LIPG: variants seen among roughly 807,000 people sequenced by gnomAD.
LIPG encodes lipase G, endothelial type.
A neutral mutation model predicts 51.8 loss-of-function variants in LIPG; 34 were observed. That is an observed-to-expected ratio of 0.66 (90% CI 0.50 to 0.87). LIPG has a LOEUF of 0.87. Ranked by LOEUF, LIPG falls within the 40% of genes least tolerant of loss-of-function variation. The pLI is 0.00. For missense variants in LIPG, 580 were observed against 652.7 expected (o/e 0.89, Z 1.21); for synonymous variants, 246 against 246.1 (o/e 1.00, Z 0.00).
At chr18:49,584,544 C>A (rs1225003960) in intron 8 of LIPG, among the ~76,000 whole-genome samples, 2 of 152,230 alleles carry the variant, frequency 1.3e-5, no homozygotes, top group Non-Finnish European at 2.9e-5. Flanking sequence ...CCAGCCTTGG[C>A]ATGGGAGGAG....
intron 1 of LIPG, among the ~76,000 whole-genome samples, chr18:49,563,416 T>C (rs1170128048): frequency 6.6e-6 from 1 of 152,090 alleles, no homozygotes; most frequent in African/African-American, 2.4e-5. Context: ...TGTGAGTCAT[T>C]TCCTTCATTG....
chr18:49,567,560 A>T lies in LIPG; in HGVS notation c.398A>T (p.Asp133Val). 6.2e-7 allele frequency: 1 copy of T among 1,614,138 alleles called. No individual in the cohort carries two copies. The highest frequency in any genetic ancestry group is 8.5e-7 in the Non-Finnish European group (1 of 1,180,034). The change falls in exon 3 of 10, where the codon GAT (aspartate) becomes GTT (valine). Residue 133 changes from aspartate (D) to valine (V), a missense_variant. Asp to Val is a radical substitution (Grantham distance 152, BLOSUM62 -3). Transcript: ENST00000261292. ...WLPLAHQLYT[D>V]AVNNTRVVGH... ...CCCCTGGCCCACCAGCTTTACACGG[A>T]TGCGGTCAATAATACCAGGGTGGTG...
rs922299691 is a variant in LIPG at position 49,583,707 on chromosome 18, C to A, written c.1309C>A (p.Pro437Thr). 1 of 1,614,182 alleles carries A rather than the reference C, an allele frequency of 6.2e-7. No individual in the cohort carries two copies. Residue 437 changes from proline (P) to threonine (T), a missense_variant, in exon 8 of 10, where the codon CCC becomes ACC. Pro to Thr is a conservative substitution (Grantham distance 38, BLOSUM62 -1). Coordinates refer to ENST00000261292, the MANE Select transcript of LIPG (RefSeq NM_006033.4). ...WKEFRSYLSQ[P>T]RNPGRELNIR... The stretch of plus-strand genomic sequence containing the variant: ...GGAGTTTCGCAGCTACCTGTCTCAA[C>A]CCCGCAACCCCGGACGGGAGCTGAA...
Position 49,581,550 on chromosome 18 carries a change from G to A in LIPG, c.929G>A (p.Ser310Asn). 1 of 1,614,182 alleles carries A rather than the reference G, an allele frequency of 6.2e-7. No individual in the cohort carries two copies. The highest frequency in any genetic ancestry group is 8.5e-7 in the Non-Finnish European group (1 of 1,180,044). The change falls in exon 6 of 10, where the codon AGC (serine) becomes AAC (asparagine). Residue 310 changes from serine to asparagine, a missense_variant. Ser to Asn is a conservative substitution (Grantham distance 46, BLOSUM62 1). Coordinates refer to ENST00000261292, the MANE Select transcript of LIPG (RefSeq NM_006033.4). Reference protein sequence around the residue: ...SNRFKKGICLSCRKNRCNSIG... With the variant: ...SNRFKKGICLNCRKNRCNSIG... The stretch of plus-strand genomic sequence containing the variant: ...CGCTTCAAAAAGGGGATCTGTCTGA[G>A]CTGCCGCAAGAACCGTTGTAATAGC...
chr18:49,576,457 C>CTTTTTTTTT (rs34597464), intron 5 of LIPG, among the ~76,000 whole-genome samples: 590 of 51,494 alleles, frequency 0.011, 199 homozygotes, highest in Non-Finnish European at 0.013. Context: ...CAGAATCTTG[C>CTTTTTTTTT]TTTTTTTTTT....
chr18:49,579,764 C>CTTTCCTTTCCTTTCTTTTCTTTTCT lies in LIPG; in HGVS notation c.794-1647_794-1646insCTTTCCTTTCTTTTCTTTTCTTTTC, dbSNP rs1194564576. On this transcript the variant is annotated intron_variant, in intron 5 of 9. Coordinates refer to ENST00000261292, the MANE Select transcript of LIPG (RefSeq NM_006033.4). Reference sequence around the variant, plus strand: ...CCTTTCTTTCCTTTCCTTTCCTTTCCTTTCTTTTCTTTTCTTTTCTTTTCT... The same window carrying CTTTCCTTTCCTTTCTTTTCTTTTCT: ...CCTTTCTTTCCTTTCCTTTCCTTTCCTTTCCTTTCCTTTCTTTTCTTTTCTTTTCTTTTCTTTTCTTTTCTTTTCT... Among the ~76,000 whole-genome samples, 480 of 112,154 alleles carry CTTTCCTTTCCTTTCTTTTCTTTTCT rather than the reference C, an allele frequency of 4.3e-3. 6 individuals are homozygous for CTTTCCTTTCCTTTCTTTTCTTTTCT. Among genetic ancestry groups the CTTTCCTTTCCTTTCTTTTCTTTTCT allele is most frequent in the Middle Eastern group, 0.012 (3 of 242 alleles). The allele number at this position is 112,154 out of a possible 152,430, so 73.6% of individuals were successfully genotyped here. A position where few individuals can be genotyped will look rare whatever the true frequency, so the allele number is the denominator to read the frequency against.
chr18:49,590,262 G>T, intron 9 of LIPG: 2 of 596,866 alleles, frequency 3.4e-6, no homozygotes, highest in Admixed American at 2.3e-5. Context: ...CTCAACTCAG[G>T]GTCCAGAGGG....
At chr18:49,561,756 T>TCCC (rs1298814704), upstream of LIPG, 30 of 1,243,894 alleles carry the variant, frequency 2.4e-5, no homozygotes, top group East Asian at 8.9e-4. Context: ...CCTCCGCCAC[T>TCCC]TGGGATGGCA....
intron 5 of LIPG, among the ~76,000 whole-genome samples, chr18:49,580,204 G>A (rs1386499144): frequency 6.6e-6 from 1 of 152,064 alleles, no homozygotes; most frequent in Non-Finnish European, 1.5e-5. Context: ...AAATTATTTG[G>A]GCCAGAAAAT....
At chr18:49,563,212 G>A (rs952186685) in intron 1 of LIPG, among the ~76,000 whole-genome samples, 6 of 152,166 alleles carry the variant, frequency 3.9e-5, no homozygotes, top group African/African-American at 1.4e-4. Flanking sequence ...CTGAGGTTGT[G>A]CCAAATGGTC....
At chr18:49,584,585 G>T (rs1184856546) in intron 8 of LIPG, among the ~76,000 whole-genome samples, 1 of 152,114 alleles carries the variant, frequency 6.6e-6, no homozygotes, top group Non-Finnish European at 1.5e-5. Flanking sequence ...CCCTCCTCTG[G>T]CATTTTCTCC....
At position 49,567,107 on chromosome 18, in the gene LIPG, T is replaced by C. The variant is rs576848146; in HGVS notation, c.280-335T>C. 4.6e-5 allele frequency among the ~76,000 whole-genome samples: 7 copies of C among 152,206 alleles called. No homozygotes were observed. The East Asian group carries it at 1.4e-3, about 29-fold the overall frequency. On this transcript the variant is annotated intron_variant, in intron 2 of 9. Coordinates refer to ENST00000261292, the MANE Select transcript of LIPG (RefSeq NM_006033.4). ...ATCCCAGCACTCTGGAAGGCCTAGG[T>C]GGGAAGATCGCTTGAGCCCAGGAGT...
chr18:49,589,949 GT>G (rs2084922974), intron 9 of LIPG: 1 of 178,248 alleles, frequency 5.6e-6, no homozygotes, highest in Non-Finnish European at 1.2e-5. Flanking sequence ...TATGTAACAT[GT>G]TTAGCATCCT....
rs1056841885 is a variant in LIPG, at chr18:49,591,055, C to A, written c.*533C>A. On this transcript the variant is annotated 3_prime_UTR_variant, in exon 10 of 10. Transcript: ENST00000261292. ...CTGACCATACTGCTTACGTCTTAGC[C>A]ATTCCGTCCTGCTCCCCAGCTCACT... The A allele has an allele frequency of 5.3e-6, 1 of 187,744 alleles. No homozygotes were observed. The highest frequency in any genetic ancestry group is 1.1e-5 in the Non-Finnish European group (1 of 88,506). 11.6% of individuals were successfully genotyped at this position (187,744 alleles called of 1,614,324 possible). A position where few individuals can be genotyped will look rare whatever the true frequency, so the allele number is the denominator to read the frequency against.
rs41444545 is a variant in LIPG, at chr18:49,581,284, A to G, written c.794-131A>G. The G allele has an allele frequency of 4.1e-3, 5,595 of 1,370,864 alleles. 191 individuals carry two copies. The African/African-American group carries it at 0.07, about 17-fold the overall frequency. The allele number at this position is 1,370,864 out of a possible 1,614,324, so 84.9% of individuals were successfully genotyped here. A position where few individuals can be genotyped will look rare whatever the true frequency, so the allele number is the denominator to read the frequency against. On this transcript the variant is annotated intron_variant, in intron 5 of 9. Transcript: ENST00000261292. Reference sequence around the variant, plus strand: ...TGTCTCAACACAAATAAACAAGCAAAAGAATTACATGAAAATACTAACAGC... The same window carrying G: ...TGTCTCAACACAAATAAACAAGCAAGAGAATTACATGAAAATACTAACAGC...
chr18:49,590,634 G>C lies in LIPG; in HGVS notation c.*112G>C. 1 of 1,152,738 alleles carries C rather than the reference G, an allele frequency of 8.7e-7. No homozygotes were observed. The highest frequency in any genetic ancestry group is 1.3e-6 in the Non-Finnish European group (1 of 786,682). The allele number at this position is 1,152,738 out of a possible 1,614,324, so 71.4% of individuals were successfully genotyped here. A position where few individuals can be genotyped will look rare whatever the true frequency, so the allele number is the denominator to read the frequency against. ...CAATGGAAGGATTCTTCTCAGCCTT[G>C]ACCCTGGAGCACTGGGAACAACTGG... On this transcript the variant is annotated 3_prime_UTR_variant, in exon 10 of 10. Transcript: ENST00000261292.
At chr18:49,578,013 G>C (rs2084745799) in intron 5 of LIPG, among the ~76,000 whole-genome samples, 1 of 142,198 alleles carries the variant, frequency 7.0e-6, no homozygotes, top group African/African-American at 2.6e-5. Context: ...GGCTGGCCAG[G>C]CGGGGGGCTG....
intron 5 of LIPG, among the ~76,000 whole-genome samples, chr18:49,579,768 CTTTTCTTTT>C (rs1568533480): frequency 2.1e-5 from 1 of 48,716 alleles, no homozygotes; most frequent in Non-Finnish European, 5.1e-5. Flanking sequence ...CCTTTCCTTT[CTTTTCTTTT>C]CTTTTCTTTT....
Position 49,583,779 on chromosome 18 carries a change from G to A in LIPG, c.1376+5G>A. 1 of 1,607,214 alleles carries A rather than the reference G, an allele frequency of 6.2e-7. No homozygotes were observed. Among genetic ancestry groups the A allele is most frequent in the South Asian group, 1.1e-5 (1 of 90,200 alleles). On this transcript the variant is annotated splice_donor_5th_base_variant and intron_variant, in intron 8 of 9. Coordinates refer to ENST00000261292, the MANE Select transcript of LIPG (RefSeq NM_006033.4). ...GTCTGGGGAAACCCAGCGGAAGTAA[G>A]TGCCTCCTGCTCCTTCTTCTGCCTG...
Sources: gnomAD v4.1 joint callset for allele counts (sites outside exome capture counted in the v4.1 genomes callset) on GRCh38, gnomAD v4.1.1 for gene constraint, MANE v1.5 for transcripts, NCBI Gene and HGNC (gene_info 2026-07-23, HGNC 2026-07-21) for gene names.